TIAM1: variants seen among roughly 807,000 people sequenced by gnomAD.
TIAM1 encodes the protein rho guanine nucleotide exchange factor TIAM1.
Under a neutral mutation model 163.5 loss-of-function variants are expected in TIAM1, and 65 were observed. That is an observed-to-expected ratio of 0.40 (90% CI 0.33 to 0.49). The LOEUF (loss-of-function observed/expected upper bound fraction) is 0.49. TIAM1 is among the 20% of genes least tolerant of loss of function. TIAM1 has a pLI of 0.77. For missense variants in TIAM1, 1,789 were observed against 2,044.7 expected, an observed-to-expected ratio of 0.87 and a Z score of 2.41; for synonymous variants, 833 against 810.1, an observed-to-expected ratio of 1.03 and a Z score of -0.48.
rs569116358 is a variant in TIAM1 at position 31,267,591 on chromosome 21, T to C, written c.-11-608A>G. ...CAATCAAAAATGGAAAACCTCAAGG[T>C]GTAAGTCTGATCAACTTTTCCTAGT... On this transcript the variant is annotated intron_variant, in intron 3 of 27. Coordinates refer to ENST00000541036, the MANE Select transcript of TIAM1 (RefSeq NM_001353694.2). 4.9e-5 allele frequency among the ~76,000 whole-genome samples: 7 copies of C among 143,034 alleles called. No homozygotes were observed. The East Asian group carries it at 1.4e-3, about 29-fold the overall frequency. 93.8% of individuals were successfully genotyped at this position (143,034 alleles called of 152,430 possible). A position where few individuals can be genotyped will look rare whatever the true frequency, so the allele number is the denominator to read the frequency against.
chr21:31,432,069 A>T (rs1045173124), intron 2 of TIAM1, among the ~76,000 whole-genome samples: 6 of 151,102 alleles, frequency 4.0e-5, no homozygotes, highest in African/African-American at 9.8e-5. Flanking sequence ...TATGGGGTGA[A>T]CATGTCAAAA....
chr21:31,251,486 C>T (rs1472988386), intron 5 of TIAM1, among the ~76,000 whole-genome samples: 4 of 152,164 alleles, frequency 2.6e-5, no homozygotes, highest in African/African-American at 9.7e-5. Context: ...CTATGCCCAG[C>T]CCAGATGACT....
intron 12 of TIAM1, among the ~76,000 whole-genome samples, chr21:31,195,533 ACT>A (rs1427877782): frequency 6.6e-6 from 1 of 152,074 alleles, no homozygotes; most frequent in African/African-American, 2.4e-5. Context: ...CCTCCACATC[ACT>A]CTGTCTGTCT....
Position 31,225,947 on chromosome 21 carries a change from T to C in TIAM1, c.1588A>G (p.Thr530Ala). The change falls in exon 7 of 28, where the codon ACT becomes GCT. Residue 530 changes from threonine to alanine, a missense_variant. Physicochemically the swap from Thr to Ala is moderately conservative, Grantham distance 58 (BLOSUM62 0). Transcript: ENST00000541036. ...CAGTTTTCAAGCTCCGTCTGGCTAGTGGTCTGTACCAGGAAGAAGGGGCAG... is the reference window on the plus strand; with the variant it reads ...CAGTTTTCAAGCTCCGTCTGGCTAGCGGTCTGTACCAGGAAGAAGGGGCAG... The part of the protein sequence containing the change: ...SLGDAFLFQT[T>A]SQTELENWIT... 1.2e-6 allele frequency: 2 copies of C among 1,614,000 alleles called. No homozygotes were observed. The highest frequency in any genetic ancestry group is 8.5e-7 in the Non-Finnish European group (1 of 1,179,968).
chr21:31,263,370 A>C (rs2072583529), intron 4 of TIAM1, among the ~76,000 whole-genome samples: 1 of 152,288 alleles, frequency 6.6e-6, no homozygotes, highest in African/African-American at 2.4e-5. Flanking sequence ...ACTTCTTAGG[A>C]TTCCTGGCCA....
At chr21:31,287,180 G>A (rs962321442) in intron 2 of TIAM1, among the ~76,000 whole-genome samples, 2 of 152,036 alleles carry the variant, frequency 1.3e-5, no homozygotes, top group Non-Finnish European at 2.9e-5. Flanking sequence ...GCAAAATAGT[G>A]GTGCATTTTA....
At chr21:31,409,995 C>T (rs559665567) in intron 2 of TIAM1, among the ~76,000 whole-genome samples, 8 of 152,090 alleles carry the variant, frequency 5.3e-5, no homozygotes, top group Non-Finnish European at 7.4e-5. Context: ...TGGCACTACA[C>T]GAGACAGCCA....
chr21:31,141,671 C>T lies in TIAM1; in HGVS notation c.3476-167G>A, dbSNP rs2082851123. On this transcript the variant is annotated intron_variant, in intron 20 of 27. Transcript: ENST00000541036. This position sits in a 1 kb window ranked among gnomAD's most constrained non-coding sequence, Gnocchi z 4.7. ...GGGGAGGGGGCAGTCAGGGAGACCACAGGCAGTCAGATCTATGTATTTATG... is the reference window on the plus strand; with the variant it reads ...GGGGAGGGGGCAGTCAGGGAGACCATAGGCAGTCAGATCTATGTATTTATG... Among the ~76,000 whole-genome samples, 1 of 151,612 alleles carries T rather than the reference C, an allele frequency of 6.6e-6. No homozygotes were observed. Among genetic ancestry groups the T allele is most frequent in the African/African-American group, 2.4e-5 (1 of 41,250 alleles).
At chr21:31,486,849 A>G (rs1036552637) in intron 1 of TIAM1, among the ~76,000 whole-genome samples, 3 of 152,196 alleles carry the variant, frequency 2.0e-5, no homozygotes, top group African/African-American at 4.8e-5. Context: ...CGCATGTCAC[A>G]CGAGGGAGCA....
Position 31,144,077 on chromosome 21 carries a change from A to T in TIAM1, c.3476-2573T>A, listed in dbSNP as rs565733454. On this transcript the variant is annotated intron_variant, in intron 20 of 27. Coordinates refer to ENST00000541036, the MANE Select transcript of TIAM1 (RefSeq NM_001353694.2). Reference sequence around the variant, plus strand: ...CACAGCAATCATGGGGGAAGACCTCATAAGACCACAATCTTGTTATCCCTT... The same window carrying T: ...CACAGCAATCATGGGGGAAGACCTCTTAAGACCACAATCTTGTTATCCCTT... Among the ~76,000 whole-genome samples the T allele has an allele frequency of 8.9e-4, 135 of 152,252 alleles. 3 individuals carry two copies. Among genetic ancestry groups the T allele is most frequent in the Non-Finnish European group, 3.1e-4 (21 of 68,014 alleles).
At position 31,556,985 on chromosome 21, in the gene TIAM1, ATC is replaced by A. The variant is rs1348937099; in HGVS notation, c.-422+1940_-422+1941del. Among the ~76,000 whole-genome samples, 9 of 152,286 alleles carry A rather than the reference ATC, an allele frequency of 5.9e-5. No individual in the cohort carries two copies. The East Asian group carries it at 1.2e-3, about 20-fold the overall frequency. On this transcript the variant is annotated intron_variant, in intron 1 of 28. Coordinates refer to the TIAM1 transcript ENST00000286827. Reference sequence around the variant, plus strand: ...AAGTGTTCCCTCCTAACCTCCAGACATCTCTTTGTTCAAACCTCCCTCCTTCC... The same window carrying A: ...AAGTGTTCCCTCCTAACCTCCAGACATCTTTGTTCAAACCTCCCTCCTTCC...
Position 31,488,663 on chromosome 21 carries a change from T to C in TIAM1, c.-421-24628A>G, listed in dbSNP as rs962431522. On this transcript the variant is annotated intron_variant, in intron 1 of 28. Coordinates refer to the TIAM1 transcript ENST00000286827. ...GCATATGCCAGGGAACTGCCATTTA[T>C]AAAACCATCAGATCTCGTGAGACTT... Among the ~76,000 whole-genome samples, 6 of 152,126 alleles carry C rather than the reference T, an allele frequency of 3.9e-5. No homozygotes were observed. In the East Asian group the frequency reaches 7.7e-4, roughly 20 times the overall value.
intron 1 of TIAM1, among the ~76,000 whole-genome samples, chr21:31,553,585 G>A (rs75594203): frequency 0.058 from 8,893 of 152,122 alleles, 476 homozygotes; most frequent in Admixed American, 0.16. Context: ...CCTGGAATGC[G>A]GCCACCCAGC....
At chr21:31,557,704 C>G (rs886192109) in intron 1 of TIAM1, among the ~76,000 whole-genome samples, 1 of 152,184 alleles carries the variant, frequency 6.6e-6, no homozygotes, top group African/African-American at 2.4e-5. Context: ...CGGGTGTCAC[C>G]GAGGCGGGCA....
chr21:31,370,196 G>A (rs1001837531), intron 2 of TIAM1, among the ~76,000 whole-genome samples: 4 of 152,140 alleles, frequency 2.6e-5, no homozygotes, highest in African/African-American at 4.8e-5. Flanking sequence ...TATAGGAGCC[G>A]AATGGACTGA....
chr21:31,388,171 C>T (rs898817697), intron 2 of TIAM1, among the ~76,000 whole-genome samples: 5 of 150,928 alleles, frequency 3.3e-5, no homozygotes, highest in South Asian at 2.1e-4. Flanking sequence ...TAATAAATTA[C>T]CCAGTCTTAG....
At chr21:31,492,156 C>T (rs549565109) in intron 1 of TIAM1, among the ~76,000 whole-genome samples, 1 of 151,958 alleles carries the variant, frequency 6.6e-6, no homozygotes, top group East Asian at 1.9e-4. Context: ...ATCTCAAGAC[C>T]CCAAAATCGT....
intron 6 of TIAM1, among the ~76,000 whole-genome samples, chr21:31,233,863 G>A (rs141238072): frequency 3.5e-4 from 53 of 152,260 alleles, no homozygotes; most frequent in African/African-American, 1.2e-3. Flanking sequence ...GGGACCGTGC[G>A]CTGCAAAGAG....
intron 2 of TIAM1, among the ~76,000 whole-genome samples, chr21:31,305,574 GC>G (rs2146969896): frequency 6.6e-6 from 1 of 152,234 alleles, no homozygotes; most frequent in South Asian, 2.1e-4. Flanking sequence ...TTAAAAAGCT[GC>G]CCTCCTAGCT....
Sources: allele counts gnomAD v4.1 joint callset (sites outside exome capture counted in the v4.1 genomes callset), GRCh38; gene constraint gnomAD v4.1.1; non-coding constraint Gnocchi (gnomAD v3.1); transcripts MANE v1.5; gene names NCBI Gene and HGNC (gene_info 2026-07-23, HGNC 2026-07-21).